POLR1A: variants seen among roughly 807,000 people sequenced by gnomAD.
POLR1A encodes DNA-directed RNA polymerase I subunit RPA1.
POLR1A carries 84 observed loss-of-function variants against 205.3 expected under a neutral mutation model. The ratio of observed to expected loss-of-function variants is 0.41; its 90% CI spans 0.34 to 0.49. The LOEUF is 0.49. Among genes scored for constraint, POLR1A ranks in the 20% least tolerant of loss-of-function variants. POLR1A has a pLI of 0.22. For synonymous variants in POLR1A, 799 were observed against 863.7 expected (o/e 0.93, Z 1.31); for missense variants, 1,645 against 2,204.5 (o/e 0.75, Z 5.08).
At chr2:86,079,185 A>G (rs919354497) in intron 9 of POLR1A, among the ~76,000 whole-genome samples, 1 of 152,212 alleles carries the variant, frequency 6.6e-6, no homozygotes, top group African/African-American at 2.4e-5. Context: ...GAACACAGGA[A>G]TCTTCTTTAG....
intron 1 of POLR1A, among the ~76,000 whole-genome samples, chr2:86,103,093 G>A (rs546639834): frequency 6.6e-6 from 1 of 152,290 alleles, no homozygotes; most frequent in African/African-American, 2.4e-5. Flanking sequence ...TTGGAGGAAC[G>A]GGAACAGACA....
At chr2:86,038,350 C>T (rs1302209247) in intron 27 of POLR1A, among the ~76,000 whole-genome samples, 2 of 152,344 alleles carry the variant, frequency 1.3e-5, no homozygotes, top group East Asian at 1.9e-4. Context: ...TGTGCTGCTC[C>T]GACACCACAG....
intron 3 of POLR1A, among the ~76,000 whole-genome samples, chr2:86,094,790 A>ATC (rs144113066): frequency 1.3e-5 from 2 of 151,418 alleles, no homozygotes; most frequent in South Asian, 2.1e-4. Flanking sequence ...ATTCATCAAC[A>ATC]TCTCTCTCTC....
In POLR1A at chr2:86,023,753, T is replaced by A. The variant is rs1018999369; in HGVS notation, c.*3670A>T. 2 of 101,316 alleles carry A rather than the reference T, an allele frequency of 2.0e-5. No homozygotes were observed. Among genetic ancestry groups the A allele is most frequent in the African/African-American group, 1.1e-4 (2 of 18,222 alleles). The allele number at this position is 101,316 out of a possible 1,614,324, so 6.3% of individuals were successfully genotyped here. A position where few individuals can be genotyped will look rare whatever the true frequency, so the allele number is the denominator to read the frequency against. ...CAAAGGAAAGCAGGGTCTGAGTTTT[T>A]GTTTTTTTTTTTTTTTGAGACGGAA... is the stretch of plus-strand genomic sequence containing the variant. On this transcript the variant is annotated 3_prime_UTR_variant, in exon 34 of 34. Coordinates refer to ENST00000263857, the MANE Select transcript of POLR1A (RefSeq NM_015425.6).
In POLR1A at chr2:86,070,075, C is replaced by T. The variant is rs1266480408; in HGVS notation, c.1809G>A (p.Leu603=). 6.2e-7 allele frequency: 1 copy of T among 1,614,168 alleles called. No individual in the cohort carries two copies. The highest frequency in any genetic ancestry group is 8.5e-7 in the Non-Finnish European group (1 of 1,180,014). ...CCAGGACGTAGGCCTCGGCCCGGCC[C>T]AGCTCACTCTGGGGGAAATGGGCAT... ...EMNAHFPQSE[L]GRAEAYVLAC... is the part of the protein sequence containing the mutation. The change falls in exon 13 of 34, where the codon CTG becomes CTA. Residue 603 remains leucine (L), a synonymous_variant. Transcript: ENST00000263857. The surrounding 1 kb of genome is among the most constrained non-coding windows in gnomAD (Gnocchi z 4.4).
chr2:86,103,322 C>T (rs1046676078), intron 1 of POLR1A, among the ~76,000 whole-genome samples: 1 of 151,948 alleles, frequency 6.6e-6, no homozygotes, highest in Admixed American at 6.6e-5. Context: ...GATGTGTGCC[C>T]GTGGTGCTCT....
At chr2:86,089,725 A>C in intron 4 of POLR1A, 97 bp downstream of exon 4, 1 of 766,558 alleles carries the variant, frequency 1.3e-6, no homozygotes, top group Non-Finnish European at 2.3e-6. Flanking sequence ...ACTCAGGTCT[A>C]CTTTGGGAAG....
At chr2:86,030,043 A>C (rs1458168101) in intron 31 of POLR1A, among the ~76,000 whole-genome samples, 153 bp downstream of exon 31, 1 of 152,214 alleles carries the variant, frequency 6.6e-6, no homozygotes, top group East Asian at 1.9e-4. Flanking sequence ...GAGGACACGC[A>C]CACTTGGTTT....
In POLR1A at chr2:86,062,440, T is replaced by C. The variant is rs574219320; in HGVS notation, c.2058+2834A>G. Among the ~76,000 whole-genome samples the C allele has an allele frequency of 2.6e-5, 4 of 151,504 alleles. No individual in the cohort carries two copies. In the East Asian group the frequency reaches 7.8e-4, roughly 30 times the overall value. On this transcript the variant is annotated intron_variant, in intron 14 of 33. Coordinates refer to ENST00000263857, the MANE Select transcript of POLR1A (RefSeq NM_015425.6). ...CTCAATATTTGTACTTCTAAATAAC[T>C]GAACAACATACTTCTAAATAACTCA...
Position 86,058,953 on chromosome 2 carries a change from C to CAATAAT in POLR1A, c.2059-4670_2059-4665dup, listed in dbSNP as rs200645599. Among the ~76,000 whole-genome samples, 182 of 151,150 alleles carry CAATAAT rather than the reference C, an allele frequency of 1.2e-3. 1 individual carries two copies. Among genetic ancestry groups the CAATAAT allele is most frequent in the African/African-American group, 3.1e-3 (128 of 41,208 alleles). ...GCAACACAGTGAAACACCAGCTCTA[C>CAATAAT]AATAATAATAATAATAATAATAAAA... On this transcript the variant is annotated intron_variant, in intron 14 of 33. Transcript: ENST00000263857.
intron 22 of POLR1A, 42 bp from the exon 23 acceptor site, chr2:86,043,237 A>G: frequency 2.0e-6 from 3 of 1,514,910 alleles, no homozygotes; most frequent in Non-Finnish European, 2.7e-6. Flanking sequence ...AATCACACAC[A>G]TGAGATCAAA....
At position 86,054,432 on chromosome 2, in the gene POLR1A, T is replaced by C. The variant is rs1672859993; in HGVS notation, c.2059-143A>G. ...ATGCCATTTCTGATGATCTCAGGTA[T>C]GGCAAGAAAAACAGACAGGTCCACC... On this transcript the variant is annotated intron_variant, in intron 14 of 33. Coordinates refer to ENST00000263857, the MANE Select transcript of POLR1A (RefSeq NM_015425.6). 3 of 750,216 alleles carry C rather than the reference T, an allele frequency of 4.0e-6. No homozygotes were observed. The Admixed American group carries it at 8.2e-5, about 20-fold the overall frequency. The allele number at this position is 750,216 out of a possible 1,614,324, so 46.5% of individuals were successfully genotyped here. A position where few individuals can be genotyped will look rare whatever the true frequency, so the allele number is the denominator to read the frequency against.
At chr2:86,082,373 AT>A (rs535460159) in intron 7 of POLR1A, among the ~76,000 whole-genome samples, 11 of 151,756 alleles carry the variant, frequency 7.2e-5, no homozygotes, top group South Asian at 6.2e-4. Context: ...GAATAAAAAA[AT>A]TTTTTTTTAA....
rs562248889 is a variant in POLR1A, at chr2:86,042,078, T to C, written c.3383A>G (p.Asp1128Gly). The change falls in exon 24 of 34, where the codon GAT (aspartate) becomes GGT (glycine). Residue 1128 changes from aspartate (D) to glycine (G), a missense_variant. Physicochemically the swap from Asp to Gly is moderately conservative, Grantham distance 94 (BLOSUM62 -1). Transcript: ENST00000263857. ...CTGGTATTTCCTTCGGCTTTCCTCA[T>C]CCAACTCATACCACATCCTCAGCAT... ...QEMLRMWYEL[D>G]EESRRKYQKK... The C allele has an allele frequency of 6.2e-7, 1 of 1,612,718 alleles. No individual in the cohort carries two copies. The highest frequency in any genetic ancestry group is 1.1e-5 in the South Asian group (1 of 91,008).
chr2:86,044,103 T>C, intron 22 of POLR1A, 36 bp downstream of exon 22: 1 of 1,607,170 alleles, frequency 6.2e-7, no homozygotes, highest in Non-Finnish European at 8.5e-7. Flanking sequence ...GGAGGCCTAC[T>C]GCTCGGCCCC....
chr2:86,031,232 T>G, intron 30 of POLR1A, 98 bp downstream of exon 30: 1 of 1,453,860 alleles, frequency 6.9e-7, no homozygotes, highest in Non-Finnish European at 9.1e-7. Context: ...GGCTGCCCCC[T>G]GCCCAGCTGT....
At chr2:86,082,070 A>T (rs573748941) in intron 7 of POLR1A, among the ~76,000 whole-genome samples, 1 of 152,150 alleles carries the variant, frequency 6.6e-6, no homozygotes, top group Admixed American at 6.5e-5. Flanking sequence ...TCCTGGGCTC[A>T]ATTGATCCAC....
intron 27 of POLR1A, among the ~76,000 whole-genome samples, chr2:86,036,585 G>A (rs1672499500): frequency 6.6e-6 from 1 of 152,194 alleles, no homozygotes; most frequent in Admixed American, 6.5e-5. Flanking sequence ...TTTTGAAAGT[G>A]CACTCACACT....
rs765871501 is a variant in POLR1A, at chr2:86,038,715, C to T, written c.4019G>A (p.Arg1340His). Residue 1340 changes from arginine (R) to histidine (H), a missense_variant, in exon 27 of 34, where the codon CGC becomes CAC. By Grantham distance (29) the Arg-to-His change is conservative. Around this residue, in one of 16 missense-constraint regions of POLR1A, gnomAD observed 394 missense variants for 468.5 expected, o/e 0.84. Transcript: ENST00000263857. ...EKCLRPEDIL[R>H]FMETRFFKLL... The stretch of plus-strand genomic sequence containing the variant: ...GAGCCCTGACCTTGTTTCCATGAAG[C>T]GCAGGATGTCCTCGGGTCTCAGGCA... The T allele has an allele frequency of 1.6e-5, 26 of 1,613,646 alleles. No individual in the cohort carries two copies. Among genetic ancestry groups the T allele is most frequent in the Non-Finnish European group, 2.0e-5 (24 of 1,180,000 alleles).
Sources: allele counts gnomAD v4.1 joint callset (sites outside exome capture counted in the v4.1 genomes callset), GRCh38; gene constraint gnomAD v4.1.1; regional missense constraint gnomAD v4.1.1; non-coding constraint Gnocchi (gnomAD v3.1); transcripts MANE v1.5; gene names NCBI Gene and HGNC (gene_info 2026-07-23, HGNC 2026-07-21).